Variants in SDK1 observed in about 807,000 individuals in gnomAD.
SDK1 encodes the protein sidekick cell adhesion molecule 1.
In SDK1, 157 loss-of-function variants were observed where a neutral mutation model predicts 245.5. The ratio of observed to expected loss-of-function variants is 0.64; its 90% CI spans 0.56 to 0.73. The LOEUF (loss-of-function observed/expected upper bound fraction) is 0.73. Among genes scored for constraint, SDK1 ranks in the 30% least tolerant of loss-of-function variants. The pLI is 0.00. For missense variants in SDK1, 3,583 were observed against 3,002.3 expected, an observed-to-expected ratio of 1.19 and a Z score of -4.52; for synonymous variants, 1,647 against 1,278.5, an observed-to-expected ratio of 1.29 and a Z score of -6.15.
chr7:3,947,081 A>G (rs960622553), intron 5 of SDK1, among the ~76,000 whole-genome samples: 6 of 152,190 alleles, frequency 3.9e-5, no homozygotes, highest in Non-Finnish European at 8.8e-5. Context: ...CATCCTTCTC[A>G]AAATATAGTC....
intron 1 of SDK1, among the ~76,000 whole-genome samples, chr7:3,516,429 G>A (rs943377208): frequency 4.6e-5 from 7 of 151,946 alleles, no homozygotes; most frequent in African/African-American, 1.7e-4. Flanking sequence ...GAATTACTTT[G>A]TCACAGGCTA....
chr7:4,259,217 T>G (rs1787815565), intron 44 of SDK1, among the ~76,000 whole-genome samples: 1 of 152,088 alleles, frequency 6.6e-6, no homozygotes, highest in African/African-American at 2.4e-5. Flanking sequence ...GGTGGGCAAA[T>G]CAGCTGAGGT....
chr7:4,091,093 A>AT (rs1358854500), intron 22 of SDK1, among the ~76,000 whole-genome samples: 1 of 151,988 alleles, frequency 6.6e-6, no homozygotes, highest in African/African-American at 2.4e-5. Flanking sequence ...TGCCCTTAAA[A>AT]TTTTTGCATA....
At chr7:3,552,338 G>C (rs932086095) in intron 1 of SDK1, among the ~76,000 whole-genome samples, 58 of 152,162 alleles carry the variant, frequency 3.8e-4, no homozygotes, top group African/African-American at 1.4e-3. Flanking sequence ...ACCGCGCCCA[G>C]CTGATTTTAC....
chr7:3,972,852 C>G (rs1450605027), intron 12 of SDK1, among the ~76,000 whole-genome samples: 2 of 152,190 alleles, frequency 1.3e-5, no homozygotes, highest in African/African-American at 4.8e-5. Flanking sequence ...GGTTTAGGTA[C>G]GTGGGTGCCG....
chr7:4,136,000 G>C (rs1696359981), intron 28 of SDK1, among the ~76,000 whole-genome samples: 1 of 152,282 alleles, frequency 6.6e-6, no homozygotes, highest in African/African-American at 2.4e-5. Context: ...AGGCTGCTTG[G>C]GTTACAGAGT....
intron 1 of SDK1, among the ~76,000 whole-genome samples, chr7:3,407,586 T>G (rs1779086912): frequency 6.6e-6 from 1 of 152,188 alleles, no homozygotes; most frequent in Non-Finnish European, 1.5e-5. Context: ...GCAGCCAGCT[T>G]TCATTTAAGA....
At chr7:3,957,211 G>A (rs1156750206) in intron 7 of SDK1, among the ~76,000 whole-genome samples, 8 of 152,198 alleles carry the variant, frequency 5.3e-5, no homozygotes, top group Non-Finnish European at 1.2e-4. Flanking sequence ...CAACACCCTT[G>A]TGCTGATGGA....
intron 4 of SDK1, among the ~76,000 whole-genome samples, chr7:3,738,753 T>G (rs1399670268): frequency 6.6e-6 from 1 of 152,098 alleles, no homozygotes; most frequent in Non-Finnish European, 1.5e-5. Flanking sequence ...CCTCCTTTCT[T>G]AAGTTTATTT....
intron 4 of SDK1, among the ~76,000 whole-genome samples, chr7:3,742,183 C>G (rs951036358): frequency 6.7e-6 from 1 of 150,108 alleles, no homozygotes. Context: ...CTTCCCTTTC[C>G]TCCCCAATGT....
intron 1 of SDK1, among the ~76,000 whole-genome samples, chr7:3,469,859 G>A (rs1425020527): frequency 1.3e-5 from 2 of 152,160 alleles, no homozygotes; most frequent in East Asian, 1.9e-4. Context: ...TTCAGATCAG[G>A]TAGGTAAAGT....
intron 1 of SDK1, among the ~76,000 whole-genome samples, chr7:3,520,052 AGTT>A (rs1054249827): frequency 3.3e-5 from 5 of 152,160 alleles, no homozygotes; most frequent in Admixed American, 6.6e-5. Context: ...GGTTATTTAA[AGTT>A]GTTCTTATTA....
intron 4 of SDK1, among the ~76,000 whole-genome samples, chr7:3,734,471 T>G (rs928062139): frequency 1.3e-5 from 2 of 152,244 alleles, no homozygotes; most frequent in African/African-American, 2.4e-5. Context: ...TTAAGAATGA[T>G]CCTTGAAAAG....
intron 19 of SDK1, among the ~76,000 whole-genome samples, chr7:4,056,296 T>TG (rs946824023): frequency 3.9e-5 from 6 of 152,038 alleles, no homozygotes; most frequent in African/African-American, 1.4e-4. Flanking sequence ...AAGTCACCTC[T>TG]GGGGGGTGTA....
intron 5 of SDK1, among the ~76,000 whole-genome samples, chr7:3,847,489 A>G (rs1032414730): frequency 1.3e-5 from 2 of 152,244 alleles, no homozygotes; most frequent in Non-Finnish European, 2.9e-5. Context: ...CCATGGCCAC[A>G]AGAGTAGTAA....
intron 5 of SDK1, among the ~76,000 whole-genome samples, chr7:3,849,065 C>G (rs547147271): frequency 6.6e-6 from 1 of 152,216 alleles, no homozygotes; most frequent in African/African-American, 2.4e-5. Flanking sequence ...GTATTTAAGA[C>G]TTTTCATACC....
intron 8 of SDK1, 28 bp downstream of exon 8, chr7:3,959,042 GA>G: frequency 6.5e-7 from 1 of 1,536,210 alleles, no homozygotes. Flanking sequence ...GCTGGACAAG[GA>G]GCCATGACTG....
chr7:4,024,794 A>G (rs1000999281), intron 17 of SDK1, among the ~76,000 whole-genome samples: 6 of 152,250 alleles, frequency 3.9e-5, no homozygotes, highest in Admixed American at 6.5e-5. Context: ...AGCCCAGGCT[A>G]TCATCTGCCA....
intron 5 of SDK1, among the ~76,000 whole-genome samples, chr7:3,925,958 A>T (rs1169339467): frequency 6.6e-6 from 1 of 152,240 alleles, no homozygotes; most frequent in African/African-American, 2.4e-5. Flanking sequence ...CAAACGTGTT[A>T]TCCCTTTTCA....
Sources: gnomAD v4.1 joint callset for allele counts (sites outside exome capture counted in the v4.1 genomes callset) on GRCh38, gnomAD v4.1.1 for gene constraint, MANE v1.5 for transcripts, NCBI Gene and HGNC (gene_info 2026-07-23, HGNC 2026-07-21) for gene names.